The following MAP2K1 variants were observed in gnomAD, a reference collection of about 807,000 sequenced individuals.
MAP2K1 encodes dual specificity mitogen-activated protein kinase kinase 1.
Under a neutral mutation model 46.3 loss-of-function variants are expected in MAP2K1, and 16 were observed. That is an observed-to-expected ratio of 0.35 (90% CI 0.23 to 0.52). The LOEUF (loss-of-function observed/expected upper bound fraction) is 0.52, where lower values mean the gene tolerates loss of function less well. Ranked by LOEUF, MAP2K1 falls within the 20% of genes least tolerant of loss-of-function variation. The pLI is 0.94. For missense variants in MAP2K1, 263 were observed against 497.1 expected, an observed-to-expected ratio of 0.53 and a Z score of 4.48; for synonymous variants, 183 against 185.6, an observed-to-expected ratio of 0.99 and a Z score of 0.11.
intron 5 of MAP2K1, among the ~76,000 whole-genome samples, chr15:66,461,503 A>C (rs1039851325): frequency 2.7e-5 from 4 of 150,698 alleles, no homozygotes; most frequent in Non-Finnish European, 5.9e-5. Context: ...TAAATAAATA[A>C]ATAAATAAAT....
At chr15:66,426,344 A>C (rs1243737305) in intron 1 of MAP2K1, among the ~76,000 whole-genome samples, 2 of 132,870 alleles carry the variant, frequency 1.5e-5, no homozygotes, top group Non-Finnish European at 3.2e-5. Context: ...CCTTCATGAA[A>C]TATTCATCAA....
At chr15:66,420,500 C>G (rs538505316) in intron 1 of MAP2K1, among the ~76,000 whole-genome samples, 3 of 151,714 alleles carry the variant, frequency 2.0e-5, no homozygotes, top group African/African-American at 7.3e-5. Context: ...CTGCAATGAG[C>G]TGTGACTGCA....
chr15:66,419,163 T>C (rs894318710), intron 1 of MAP2K1, among the ~76,000 whole-genome samples: 2 of 151,356 alleles, frequency 1.3e-5, no homozygotes, highest in African/African-American at 2.4e-5. Flanking sequence ...TGTTTTTTTT[T>C]CCCCCCTCTC....
intron 1 of MAP2K1, among the ~76,000 whole-genome samples, chr15:66,413,611 C>G (rs902529557): frequency 1.5e-5 from 2 of 131,034 alleles, no homozygotes; most frequent in African/African-American, 5.8e-5. Context: ...TCATCCATTT[C>G]TGTATTGTAG....
intron 5 of MAP2K1, among the ~76,000 whole-genome samples, chr15:66,462,283 C>T (rs1213189035): frequency 1.3e-5 from 2 of 151,966 alleles, no homozygotes; most frequent in Non-Finnish European, 2.9e-5. Context: ...GGTGGATCAC[C>T]TGAGGTCAGG....
intron 1 of MAP2K1, 76 bp downstream of exon 1, chr15:66,387,503 G>A: frequency 7.0e-7 from 1 of 1,428,224 alleles, no homozygotes; most frequent in Non-Finnish European, 9.6e-7. Context: ...CGCGCGCCAG[G>A]CTCCGATCTG....
rs116625804 is a variant in MAP2K1 at position 66,445,735 on chromosome 15, G to T, written c.568+1028G>T. Among the ~76,000 whole-genome samples the T allele has an allele frequency of 2.9e-3, 445 of 152,334 alleles. 2 individuals are homozygous for T. Among genetic ancestry groups the T allele is most frequent in the African/African-American group, 0.01 (431 of 41,574 alleles). Reference sequence around the variant, plus strand: ...AGGCAGATACAAAACAGCCCAAGCTGTTTCCATTTATGTGAAATTAGAGAA... The same window carrying T: ...AGGCAGATACAAAACAGCCCAAGCTTTTTCCATTTATGTGAAATTAGAGAA... On this transcript the variant is annotated intron_variant, in intron 5 of 10. Transcript: ENST00000307102.
intron 1 of MAP2K1, among the ~76,000 whole-genome samples, chr15:66,407,421 C>T (rs2093400274): frequency 1.3e-5 from 2 of 152,190 alleles, no homozygotes; most frequent in East Asian, 3.8e-4. Context: ...ATAACAGTCC[C>T]TTGTGTAGAA....
At chr15:66,421,566 C>T (rs554605082) in intron 1 of MAP2K1, among the ~76,000 whole-genome samples, 32 of 151,434 alleles carry the variant, frequency 2.1e-4, no homozygotes, top group African/African-American at 7.8e-4. Context: ...TTTGGGAGGC[C>T]GAGGTGGGCA....
Position 66,478,492 on chromosome 15 carries a change from G to GTA in MAP2K1, c.569-3249_569-3248dup, listed in dbSNP as rs1491544631. 4.3e-4 allele frequency among the ~76,000 whole-genome samples: 55 copies of GTA among 127,756 alleles called. 1 individual carries two copies. In the East Asian group the frequency reaches 5.1e-3, roughly 12 times the overall value. 83.8% of individuals were successfully genotyped at this position (127,756 alleles called of 152,430 possible). On this transcript the variant is annotated intron_variant, in intron 5 of 10. Coordinates refer to ENST00000307102, the MANE Select transcript of MAP2K1 (RefSeq NM_002755.4). ...TATATATACAGGTGTATATATAGAG[G>GTA]TATATATATATATATTTTTTTTTTG...
chr15:66,449,234 T>C (rs1265088041), intron 5 of MAP2K1, among the ~76,000 whole-genome samples: 1 of 152,152 alleles, frequency 6.6e-6, no homozygotes, highest in African/African-American at 2.4e-5. Context: ...AACAAAAATA[T>C]TATTATCAGA....
At chr15:66,480,348 C>G (rs185341451) in intron 5 of MAP2K1, among the ~76,000 whole-genome samples, 18 of 152,228 alleles carry the variant, frequency 1.2e-4, no homozygotes, top group Admixed American at 1.2e-3. Context: ...CCTTGGCCTC[C>G]CAAAGTGCTG....
At chr15:66,387,522 C>G (rs574754285) in intron 1 of MAP2K1, 95 bp downstream of exon 1, 609 of 1,270,608 alleles carry the variant, frequency 4.8e-4, no homozygotes, top group Admixed American at 9.2e-4. Flanking sequence ...TGGTTTGTCA[C>G]GTACGTCTGG....
At chr15:66,417,460 A>G (rs2093427298) in intron 1 of MAP2K1, among the ~76,000 whole-genome samples, 1 of 152,076 alleles carries the variant, frequency 6.6e-6, no homozygotes, top group Non-Finnish European at 1.5e-5. Flanking sequence ...TAGTCCAGTT[A>G]CTTGAGAAAC....
rs371911949 is a variant in MAP2K1, at chr15:66,482,871, G to A, written c.693+992G>A. ...GAGTGAGTAGGCAGTCTTTACAGAA[G>A]TGGCGGGGAGTGCAGGCCCGCGTGG... On this transcript the variant is annotated intron_variant, in intron 6 of 10. Coordinates refer to ENST00000307102, the MANE Select transcript of MAP2K1 (RefSeq NM_002755.4). Among the ~76,000 whole-genome samples, 5 of 151,170 alleles carry A rather than the reference G, an allele frequency of 3.3e-5. No individual in the cohort carries two copies. The South Asian group carries it at 6.2e-4, about 19-fold the overall frequency.
At chr15:66,463,020 A>G (rs1335018116) in intron 5 of MAP2K1, among the ~76,000 whole-genome samples, 2 of 152,158 alleles carry the variant, frequency 1.3e-5, no homozygotes, top group African/African-American at 4.8e-5. Context: ...CCTCTCAGCA[A>G]CCAGTGTGTA....
chr15:66,424,013 A>G (rs1294584416), intron 1 of MAP2K1, among the ~76,000 whole-genome samples: 2 of 151,896 alleles, frequency 1.3e-5, no homozygotes, highest in Non-Finnish European at 2.9e-5. Flanking sequence ...TTGGCCTCCC[A>G]AAGTGCTGAG....
Position 66,490,778 on chromosome 15 carries a change from T to G in MAP2K1, c.*163T>G. 2.9e-6 allele frequency: 2 copies of G among 701,738 alleles called. No homozygotes were observed. 43.5% of individuals were successfully genotyped at this position (701,738 alleles called of 1,614,324 possible). ...GATTCTACTCTTGTCATTTTTAATA[T>G]TACTGTCTTTATTCTTATTACTATT... On this transcript the variant is annotated 3_prime_UTR_variant, in exon 11 of 11. Transcript: ENST00000307102.
intron 1 of MAP2K1, among the ~76,000 whole-genome samples, chr15:66,420,974 TACA>T (rs1567003488): frequency 5.7e-5 from 2 of 35,286 alleles, no homozygotes; most frequent in African/African-American, 2.3e-4. Flanking sequence ...TACACACACA[TACA>T]TACACACACA....
Sources: gnomAD v4.1 joint callset for allele counts (sites outside exome capture counted in the v4.1 genomes callset) on GRCh38, gnomAD v4.1.1 for gene constraint, MANE v1.5 for transcripts, NCBI Gene and HGNC (gene_info 2026-07-23, HGNC 2026-07-21) for gene names.